Variants in MMP23B observed in about 807,000 individuals in gnomAD.
The protein encoded by MMP23B is matrix metalloproteinase-23.
MMP23B carries 8 observed loss-of-function variants against 17.3 expected under a neutral mutation model. The observed-to-expected ratio is 0.46, with a 90% CI of 0.27 to 0.83. The LOEUF is 0.83. MMP23B is among the 40% of genes least tolerant of loss of function. The pLI, the probability that MMP23B is intolerant of heterozygous loss-of-function variation, is 0.14. For synonymous variants in MMP23B, 86 were observed against 116.5 expected (o/e 0.74, Z 1.69); for missense variants, 154 against 246.2 (o/e 0.63, Z 2.51).
At position 1,632,390 on chromosome 1, in the gene MMP23B, G is replaced by C; in HGVS notation, c.156+16G>C. On this transcript the variant is annotated intron_variant, in intron 1 of 7. Coordinates refer to ENST00000356026, the MANE Select transcript of MMP23B (RefSeq NM_006983.2). ...CGCAGCGCAGGTGAGCGGCGGGGGGGAGGCCAGGTGCCGGGTTGGGGGGGT... is the reference window on the plus strand; with the variant it reads ...CGCAGCGCAGGTGAGCGGCGGGGGGCAGGCCAGGTGCCGGGTTGGGGGGGT... 1.4e-6 allele frequency: 2 copies of C among 1,380,602 alleles called. No individual in the cohort carries two copies. The highest frequency in any genetic ancestry group is 1.9e-6 in the Non-Finnish European group (2 of 1,072,870). 85.5% of individuals were successfully genotyped at this position (1,380,602 alleles called of 1,614,324 possible). A position where few individuals can be genotyped will look rare whatever the true frequency, so the allele number is the denominator to read the frequency against.
rs1639018755 is a variant in MMP23B at position 1,632,295 on chromosome 1, T to A, written c.77T>A (p.Val26Asp). 1.4e-6 allele frequency: 2 copies of A among 1,420,908 alleles called. No homozygotes were observed. Among genetic ancestry groups the A allele is most frequent in the Non-Finnish European group, 1.8e-6 (2 of 1,092,496 alleles). 88.0% of individuals were successfully genotyped at this position (1,420,908 alleles called of 1,614,324 possible). The change falls in exon 1 of 8, where the codon GTC becomes GAC. Residue 26 changes from valine to aspartate, a missense_variant. By Grantham distance (152) the Val-to-Asp change is radical. Coordinates refer to ENST00000356026, the MANE Select transcript of MMP23B (RefSeq NM_006983.2). The stretch of plus-strand genomic sequence containing the variant: ...CGCCGCTGGCTTGGAGCCGCGCTGG[T>A]CGCCCTGTGCCTCCTCCCCGCGCTG... ...VERRWLGAAL[V>D]ALCLLPALVL...
rs1283366598 is a variant in MMP23B, at chr1:1,632,328, T to A, written c.110T>A (p.Leu37Gln). 9 of 1,420,654 alleles carry A rather than the reference T, an allele frequency of 6.3e-6. No individual in the cohort carries two copies. The highest frequency in any genetic ancestry group is 5.9e-5 in the Admixed American group (2 of 33,980). 88.0% of individuals were successfully genotyped at this position (1,420,654 alleles called of 1,614,324 possible). The part of the protein sequence containing the change: ...ALCLLPALVL[L>Q]ARLGAPAVPA... ...TGCCTCCTCCCCGCGCTGGTGCTGC[T>A]GGCCCGGCTGGGGGCCCCGGCGGTG... The change falls in exon 1 of 8, where the codon CTG (leucine) becomes CAG (glutamine). Residue 37 changes from leucine to glutamine, a missense_variant. Physicochemically the swap from Leu to Gln is moderately radical, Grantham distance 113 (BLOSUM62 -2). This residue lies in a region of MMP23B where 129 missense variants were observed against 83.5 expected (regional missense o/e 1.54). Coordinates refer to ENST00000356026, the MANE Select transcript of MMP23B (RefSeq NM_006983.2).
Position 1,632,293 on chromosome 1 carries a change from G to A in MMP23B, c.75G>A (p.Leu25=), listed in dbSNP as rs1255746187. 1 of 1,421,502 alleles carries A rather than the reference G, an allele frequency of 7.0e-7. No homozygotes were observed. The allele number at this position is 1,421,502 out of a possible 1,614,324, so 88.1% of individuals were successfully genotyped here. A position where few individuals can be genotyped will look rare whatever the true frequency, so the allele number is the denominator to read the frequency against. Residue 25 remains leucine (L), a synonymous_variant, in exon 1 of 8, where the codon CTG becomes CTA. Transcript: ENST00000356026. The part of the protein sequence containing the change: ...GVERRWLGAA[L]VALCLLPALV... ...AGCGCCGCTGGCTTGGAGCCGCGCT[G>A]GTCGCCCTGTGCCTCCTCCCCGCGC...
chr1:1,632,815 C>G lies in MMP23B; in HGVS notation c.189C>G (p.Val63=), dbSNP rs1061964. 6.7e-3 allele frequency: 1,253 copies of G among 187,978 alleles called. 14 individuals are homozygous for G. Among genetic ancestry groups the G allele is most frequent in the Non-Finnish European group, 8.9e-3 (958 of 107,978 alleles). The allele number at this position is 187,978 out of a possible 1,614,324, so 11.6% of individuals were successfully genotyped here. Residue 63 remains valine (V), a synonymous_variant, in exon 2 of 8, where the codon GTC becomes GTG. Coordinates refer to ENST00000356026, the MANE Select transcript of MMP23B (RefSeq NM_006983.2). ...GDVAALGLSA[V]PPTRVPGPLA... is the part of the protein sequence containing the mutation. ...TCGCTGCGCTGGGCCTCTCGGCGGTCCCCCCCACCCGGGTCCCGGGCCCAC... is the reference window on the plus strand; with the variant it reads ...TCGCTGCGCTGGGCCTCTCGGCGGTGCCCCCCACCCGGGTCCCGGGCCCAC...
intron 1 of MMP23B, 84 bp downstream of exon 1, chr1:1,632,458 G>C: frequency 9.4e-7 from 1 of 1,063,730 alleles, no homozygotes; most frequent in African/African-American, 1.6e-5. Context: ...CCCGCAGGAC[G>C]TGTGCGGGGT....
At position 1,633,841 on chromosome 1, in the gene MMP23B, A is replaced by AC; in HGVS notation, c.691dup (p.Leu231ProfsTer135). 1 of 460,300 alleles carries AC rather than the reference A, an allele frequency of 2.2e-6. No homozygotes were observed. The highest frequency in any genetic ancestry group is 3.3e-6 in the Non-Finnish European group (1 of 304,354). 28.5% of individuals were successfully genotyped at this position (460,300 alleles called of 1,614,324 possible). On this transcript the variant is annotated frameshift_variant, in exon 5 of 8. Coordinates refer to ENST00000356026, the MANE Select transcript of MMP23B (RefSeq NM_006983.2). LOFTEE classifies it high-confidence loss of function. ...TCACAACACGGCCGGGCGCTCATGC[A>AC]CCTGAACGCCACGCTGCGCGGCTGG...
At chr1:1,632,683 G>T in intron 1 of MMP23B, 100 bp from the exon 2 acceptor site, 2 of 315,284 alleles carry the variant, frequency 6.3e-6, no homozygotes, top group Non-Finnish European at 1.1e-5. Context: ...CCCAGCCCTG[G>T]GCACCCCCAC....
Position 1,632,237 on chromosome 1 carries a change from G to T in MMP23B, c.19G>T (p.Val7Phe). The T allele has an allele frequency of 3.7e-6, 5 of 1,339,916 alleles. No homozygotes were observed. The highest frequency in any genetic ancestry group is 4.7e-6 in the Non-Finnish European group (5 of 1,053,764). The allele number at this position is 1,339,916 out of a possible 1,614,324, so 83.0% of individuals were successfully genotyped here. The part of the protein sequence containing the change: MGRGAR[V>F]PSEAPGAGVE... ...GTCTGCCATGGGCCGCGGGGCCCGT[G>T]TCCCCTCGGAGGCCCCGGGGGCAGG... The change falls in exon 1 of 8, where the codon GTC (valine) becomes TTC (phenylalanine). Residue 7 changes from valine (V) to phenylalanine (F), a missense_variant. Physicochemically the swap from Val to Phe is conservative, Grantham distance 50. Transcript: ENST00000356026.
chr1:1,634,355 G>A (rs1165656918), intron 7 of MMP23B, 27 bp downstream of exon 7: 5 of 1,070,012 alleles, frequency 4.7e-6, no homozygotes, highest in South Asian at 1.5e-5. Flanking sequence ...GGCGGTCCTC[G>A]GGGTGGGCAG....
Position 1,632,226 on chromosome 1 carries a change from G to C in MMP23B, c.8G>C (p.Arg3Pro). ...CCCCACAGCAAGTCTGCCATGGGCC[G>C]CGGGGCCCGTGTCCCCTCGGAGGCC... Reference protein sequence around the residue: MGRGARVPSEAPG... With the variant: MGPGARVPSEAPG... Residue 3 changes from arginine (R) to proline (P), a missense_variant, in exon 1 of 8, where the codon CGC becomes CCC. Physicochemically the swap from Arg to Pro is moderately radical, Grantham distance 103. This residue lies in a region of MMP23B where 129 missense variants were observed against 83.5 expected (regional missense o/e 1.54). Coordinates refer to ENST00000356026, the MANE Select transcript of MMP23B (RefSeq NM_006983.2). 1 of 1,326,130 alleles carries C rather than the reference G, an allele frequency of 7.5e-7. No homozygotes were observed. Among genetic ancestry groups the C allele is most frequent in the Non-Finnish European group, 9.6e-7 (1 of 1,046,758 alleles). 82.1% of individuals were successfully genotyped at this position (1,326,130 alleles called of 1,614,324 possible).
At chr1:1,632,407 T>TGGGGGGGTCCTCACGTCTGTG in intron 1 of MMP23B, 33 bp downstream of exon 1, 9 of 1,363,424 alleles carry the variant, frequency 6.6e-6, no homozygotes, top group Non-Finnish European at 8.5e-6. Context: ...GGTGCCGGGT[T>TGGGGGGGTCCTCACGTCTGTG]GGGGGGGTCC....
rs1439526120 is a variant in MMP23B at position 1,632,380 on chromosome 1, C to T, written c.156+6C>T. 7 of 1,381,904 alleles carry T rather than the reference C, an allele frequency of 5.1e-6. No individual in the cohort carries two copies. In the East Asian group the frequency reaches 1.2e-4, roughly 23 times the overall value. 85.6% of individuals were successfully genotyped at this position (1,381,904 alleles called of 1,614,324 possible). On this transcript the variant is annotated splice_donor_region_variant and intron_variant, in intron 1 of 7. Coordinates refer to ENST00000356026, the MANE Select transcript of MMP23B (RefSeq NM_006983.2). Reference sequence around the variant, plus strand: ...CGGCCTGGAGCGCAGCGCAGGTGAGCGGCGGGGGGGAGGCCAGGTGCCGGG... The same window carrying T: ...CGGCCTGGAGCGCAGCGCAGGTGAGTGGCGGGGGGGAGGCCAGGTGCCGGG...
rs1212043825 is a variant in MMP23B at position 1,632,403 on chromosome 1, G to C, written c.156+29G>C. ...AGCGGCGGGGGGGAGGCCAGGTGCC[G>C]GGTTGGGGGGGTCCTCACGTCTGTG... On this transcript the variant is annotated intron_variant, in intron 1 of 7. Coordinates refer to ENST00000356026, the MANE Select transcript of MMP23B (RefSeq NM_006983.2). 66 of 1,365,842 alleles carry C rather than the reference G, an allele frequency of 4.8e-5. 2 individuals carry two copies. In the South Asian group the frequency reaches 1.1e-3, roughly 22 times the overall value. 84.6% of individuals were successfully genotyped at this position (1,365,842 alleles called of 1,614,324 possible). A position where few individuals can be genotyped will look rare whatever the true frequency, so the allele number is the denominator to read the frequency against.
rs919724272 is a variant in MMP23B at position 1,632,392 on chromosome 1, G to C, written c.156+18G>C. On this transcript the variant is annotated intron_variant, in intron 1 of 7. Coordinates refer to ENST00000356026, the MANE Select transcript of MMP23B (RefSeq NM_006983.2). ...CAGCGCAGGTGAGCGGCGGGGGGGA[G>C]GCCAGGTGCCGGGTTGGGGGGGTCC... The C allele has an allele frequency of 1.1e-4, 151 of 1,379,464 alleles. No individual in the cohort carries two copies. Among genetic ancestry groups the C allele is most frequent in the Non-Finnish European group, 1.3e-4 (137 of 1,072,124 alleles). The allele number at this position is 1,379,464 out of a possible 1,614,324, so 85.5% of individuals were successfully genotyped here.
chr1:1,632,232 C>A lies in MMP23B; in HGVS notation c.14C>A (p.Ala5Asp). 1 of 1,337,958 alleles carries A rather than the reference C, an allele frequency of 7.5e-7. No individual in the cohort carries two copies. Among genetic ancestry groups the A allele is most frequent in the Non-Finnish European group, 9.5e-7 (1 of 1,052,884 alleles). 82.9% of individuals were successfully genotyped at this position (1,337,958 alleles called of 1,614,324 possible). The change falls in exon 1 of 8, where the codon GCC becomes GAC. Residue 5 changes from alanine (A) to aspartate (D), a missense_variant. By Grantham distance (126) the Ala-to-Asp change is moderately radical (BLOSUM62 -2). Coordinates refer to ENST00000356026, the MANE Select transcript of MMP23B (RefSeq NM_006983.2). MGRG[A>D]RVPSEAPGAG... The stretch of plus-strand genomic sequence containing the variant: ...AGCAAGTCTGCCATGGGCCGCGGGG[C>A]CCGTGTCCCCTCGGAGGCCCCGGGG...
chr1:1,632,356 G>A lies in MMP23B; in HGVS notation c.138G>A (p.Pro46=). 6 of 1,387,794 alleles carry A rather than the reference G, an allele frequency of 4.3e-6. No individual in the cohort carries two copies. The highest frequency in any genetic ancestry group is 4.6e-6 in the Non-Finnish European group (5 of 1,082,714). The allele number at this position is 1,387,794 out of a possible 1,614,324, so 86.0% of individuals were successfully genotyped here. A position where few individuals can be genotyped will look rare whatever the true frequency, so the allele number is the denominator to read the frequency against. Residue 46 remains proline (P), a synonymous_variant, in exon 1 of 8, where the codon CCG becomes CCA. Transcript: ENST00000356026. ...LLARLGAPAV[P]AWSAAQGDVA... is the part of the protein sequence containing the mutation. ...CCCGGCTGGGGGCCCCGGCGGTGCC[G>A]GCCTGGAGCGCAGCGCAGGTGAGCG...
intron 1 of MMP23B, 149 bp from the exon 2 acceptor site, chr1:1,632,634 A>T: frequency 6.9e-6 from 2 of 290,816 alleles, no homozygotes; most frequent in South Asian, 9.9e-5. Context: ...AGGTTAGGAG[A>T]CCCGAAACCA....
At chr1:1,632,426 G>C (rs1460646015) in intron 1 of MMP23B, 52 bp downstream of exon 1, 4 of 1,333,284 alleles carry the variant, frequency 3.0e-6, no homozygotes, top group South Asian at 1.6e-5. Context: ...CCTCACGTCT[G>C]TGGGTCTGGT....
In MMP23B at chr1:1,632,262, G is replaced by C. The variant is rs746156707; in HGVS notation, c.44G>C (p.Gly15Ala). The C allele has an allele frequency of 1.2e-5, 16 of 1,370,690 alleles. 1 individual carries two copies. The South Asian group carries it at 2.7e-4, about 23-fold the overall frequency. 84.9% of individuals were successfully genotyped at this position (1,370,690 alleles called of 1,614,324 possible). Residue 15 changes from glycine to alanine, a missense_variant, in exon 1 of 8, where the codon GGC (glycine) becomes GCC (alanine). Transcript: ENST00000356026. The part of the protein sequence containing the change: ...ARVPSEAPGA[G>A]VERRWLGAAL... ...GTCCCCTCGGAGGCCCCGGGGGCAG[G>C]CGTCGAGCGCCGCTGGCTTGGAGCC...
Sources: gnomAD v4.1 joint callset for allele counts on GRCh38, gnomAD v4.1.1 for gene constraint, gnomAD v4.1.1 regional missense constraint, MANE v1.5 for transcripts, NCBI Gene and HGNC (gene_info 2026-07-23, HGNC 2026-07-21) for gene names.